The following PES1 variants were observed in gnomAD, a reference collection of about 807,000 sequenced individuals.
PES1 encodes pescadillo ribosomal biogenesis factor 1.
Under a neutral mutation model 77.1 loss-of-function variants are expected in PES1, and 31 were observed. The ratio of observed to expected loss-of-function variants is 0.40; its 90% CI spans 0.30 to 0.54. PES1 has a LOEUF of 0.54. Among genes scored for constraint, PES1 ranks in the 20% least tolerant of loss-of-function variants. The probability of loss-of-function intolerance (pLI) is 0.45; values close to 1 mark genes in which losing one functional copy is unlikely to be tolerated. For synonymous variants in PES1, 282 were observed against 303.0 expected (o/e 0.93, Z 0.72); for missense variants, 658 against 771.7 (o/e 0.85, Z 1.75).
At chr22:30,600,622 C>T (rs1009871392) in intron 2 of PES1, among the ~76,000 whole-genome samples, 1 of 152,096 alleles carries the variant, frequency 6.6e-6, no homozygotes, top group South Asian at 2.1e-4. Context: ...GGAGACCATC[C>T]TGGCTAACAC....
intron 2 of PES1, among the ~76,000 whole-genome samples, chr22:30,596,950 C>CG (rs2087262068): frequency 6.6e-6 from 1 of 152,190 alleles, no homozygotes. Flanking sequence ...GGCCCGCACT[C>CG]GGAGAAGCCA....
At chr22:30,601,556 T>C (rs1339331314) in intron 2 of PES1, among the ~76,000 whole-genome samples, 1 of 152,140 alleles carries the variant, frequency 6.6e-6, no homozygotes, top group Admixed American at 6.5e-5. Context: ...TCAAGTGATC[T>C]GCCTGCCTCA....
In PES1 at chr22:30,580,185, G is replaced by A; in HGVS notation, c.1044-7C>T. The A allele has an allele frequency of 2.5e-6, 4 of 1,609,186 alleles. No individual in the cohort carries two copies. The highest frequency in any genetic ancestry group is 2.2e-5 in the South Asian group (2 of 90,216). On this transcript the variant is annotated splice_polypyrimidine_tract_variant and splice_region_variant and intron_variant, in intron 10 of 14. Coordinates refer to ENST00000354694, the MANE Select transcript of PES1 (RefSeq NM_014303.4). ...CACTTCCCCACCAAAACTCCTACAG[G>A]GACAGGGAGAGCCCACACGGGTACA...
intron 14 of PES1, among the ~76,000 whole-genome samples, chr22:30,578,031 C>G (rs1287475080): frequency 6.6e-6 from 1 of 152,118 alleles, no homozygotes; most frequent in Non-Finnish European, 1.5e-5. Flanking sequence ...GCCTCTAACC[C>G]CAACACTTTA....
chr22:30,583,995 G>A (rs1248714071), intron 6 of PES1, among the ~76,000 whole-genome samples: 1 of 152,266 alleles, frequency 6.6e-6, no homozygotes, highest in Non-Finnish European at 1.5e-5. Context: ...CACTGTCCCC[G>A]TGGTGGCACC....
intron 2 of PES1, among the ~76,000 whole-genome samples, chr22:30,602,468 C>A (rs1264378763): frequency 7.0e-6 from 1 of 142,226 alleles, no homozygotes; most frequent in African/African-American, 2.7e-5. Context: ...GAGTTCCACC[C>A]GCCTTGGCCT....
At chr22:30,602,132 T>C (rs1460247034) in intron 2 of PES1, among the ~76,000 whole-genome samples, 1 of 152,114 alleles carries the variant, frequency 6.6e-6, no homozygotes, top group Non-Finnish European at 1.5e-5. Flanking sequence ...CCAAATCTCA[T>C]CTTGAATTGT....
At chr22:30,606,745 C>A (rs2087454287) in intron 1 of PES1, 41 of 381,850 alleles carry the variant, frequency 1.1e-4, no homozygotes, top group Middle Eastern at 1.4e-3. Flanking sequence ...CCCCCACAAT[C>A]CCCTCCCGCC....
chr22:30,605,835 A>G (rs5749131), intron 1 of PES1, among the ~76,000 whole-genome samples: 94,959 of 152,122 alleles, frequency 0.62, 31,111 homozygotes, highest in African/African-American at 0.82. Context: ...TTTGTGATAA[A>G]TCAGGCTCAA....
intron 1 of PES1, among the ~76,000 whole-genome samples, chr22:30,606,148 G>T (rs2087436964): frequency 6.6e-6 from 1 of 152,196 alleles, no homozygotes; most frequent in South Asian, 2.1e-4. Flanking sequence ...TGTTTGCAGA[G>T]ATTTTTTTTG....
intron 14 of PES1, among the ~76,000 whole-genome samples, chr22:30,578,585 A>G (rs2086935234): frequency 2.0e-5 from 3 of 152,236 alleles, no homozygotes; most frequent in African/African-American, 7.2e-5. Flanking sequence ...AGACCCCAGC[A>G]GACTCAGGAA....
In PES1 at chr22:30,577,120, G is replaced by A. The variant is rs1379657258; in HGVS notation, c.1693C>T (p.Leu565=). 6.2e-7 allele frequency: 1 copy of A among 1,614,094 alleles called. No individual in the cohort carries two copies. The highest frequency in any genetic ancestry group is 8.5e-7 in the Non-Finnish European group (1 of 1,180,012). Residue 565 remains leucine (L), a synonymous_variant, in exon 15 of 15, where the codon CTG becomes TTG. Coordinates refer to ENST00000354694, the MANE Select transcript of PES1 (RefSeq NM_014303.4). ...KRRKIREANK[L]AEKRKAHDEA... is the part of the protein sequence containing the mutation. ...TCGTGGGCTTTCCGCTTCTCCGCCA[G>A]CTTGTTGGCCTGTGAGGGGGAAGGC...
At chr22:30,598,283 C>G (rs997894388) in intron 2 of PES1, 5 of 151,978 alleles carry the variant, frequency 3.3e-5, no homozygotes, top group African/African-American at 1.2e-4. Flanking sequence ...AACATCCGAG[C>G]ATCAGAAGGA....
At chr22:30,583,882 G>T (rs990000416) in intron 6 of PES1, among the ~76,000 whole-genome samples, 1 of 152,260 alleles carries the variant, frequency 6.6e-6, no homozygotes, top group South Asian at 2.1e-4. Context: ...AGGCAGGAAG[G>T]GGGAAGCAGA....
At chr22:30,599,764 G>C (rs1721609876) in intron 2 of PES1, among the ~76,000 whole-genome samples, 1 of 152,148 alleles carries the variant, frequency 6.6e-6, no homozygotes, top group Non-Finnish European at 1.5e-5. Flanking sequence ...GCCAGGCATG[G>C]TGGTACATGC....
intron 2 of PES1, among the ~76,000 whole-genome samples, chr22:30,597,892 T>TG (rs894725402): frequency 1.8e-4 from 26 of 145,546 alleles, no homozygotes; most frequent in African/African-American, 6.3e-4. Flanking sequence ...GTTTTTTTTT[T>TG]TTTTGTTTTG....
At chr22:30,604,075 T>G (rs1188609791) in intron 2 of PES1, 2 of 152,218 alleles carry the variant, frequency 1.3e-5, no homozygotes, top group Non-Finnish European at 2.9e-5. Flanking sequence ...GACGGCAAAG[T>G]GGACCTAGAG....
At chr22:30,606,393 G>A (rs991461287) in intron 1 of PES1, among the ~76,000 whole-genome samples, 21 of 151,932 alleles carry the variant, frequency 1.4e-4, no homozygotes, top group Non-Finnish European at 8.8e-5. Context: ...ACCACGCCAG[G>A]CTAATTTATG....
intron 10 of PES1, 107 bp downstream of exon 10, chr22:30,580,464 G>T: frequency 2.1e-6 from 3 of 1,426,998 alleles, no homozygotes; most frequent in Non-Finnish European, 2.9e-6. Flanking sequence ...TGTTTCATAA[G>T]AAGTGGAAAC....
Sources: allele counts gnomAD v4.1 joint callset (sites outside exome capture counted in the v4.1 genomes callset), GRCh38; gene constraint gnomAD v4.1.1; transcripts MANE v1.5; gene names NCBI Gene and HGNC (gene_info 2026-07-23, HGNC 2026-07-21).